The following AKIRIN2 variants were observed in gnomAD, a reference collection of about 807,000 sequenced individuals.
AKIRIN2 encodes akirin-2.
AKIRIN2 carries 6 observed loss-of-function variants against 29.3 expected under a neutral mutation model. That is an observed-to-expected ratio of 0.20 (90% CI 0.11 to 0.40). AKIRIN2 has a LOEUF of 0.40. AKIRIN2 is among the 10% of genes least tolerant of loss of function. The pLI is 1.00. For synonymous variants in AKIRIN2, 128 were observed against 117.5 expected (o/e 1.09, Z -0.58); for missense variants, 210 against 276.1 (o/e 0.76, Z 1.70).
At chr6:87,694,462 C>T (rs1771327937) in intron 1 of AKIRIN2, among the ~76,000 whole-genome samples, 1 of 152,180 alleles carries the variant, frequency 6.6e-6, no homozygotes, top group South Asian at 2.1e-4. Flanking sequence ...GAGACTCTTA[C>T]TCTTCTTTGC....
chr6:87,680,437 T>C (rs2128301140), intron 2 of AKIRIN2, among the ~76,000 whole-genome samples: 2 of 152,234 alleles, frequency 1.3e-5, no homozygotes, highest in East Asian at 1.9e-4. Context: ...CATGCCTAGC[T>C]AATTTTTTGG....
At position 87,691,527 on chromosome 6, in the gene AKIRIN2, TAA is replaced by T. The variant is rs200879764; in HGVS notation, c.236-9766_236-9765del. Among the ~76,000 whole-genome samples, 480 of 148,974 alleles carry T rather than the reference TAA, an allele frequency of 3.2e-3. 2 individuals are homozygous for T. The highest frequency in any genetic ancestry group is 0.01 in the African/African-American group (416 of 40,350). ...GTCTGAACCAACTGAAGATACAAAT[TAA>T]AGAGACATCTGTAAATGGAAACTGA... On this transcript the variant is annotated intron_variant, in intron 1 of 4. Transcript: ENST00000257787.
At chr6:87,698,846 A>T (rs1239497366) in intron 1 of AKIRIN2, among the ~76,000 whole-genome samples, 1 of 152,232 alleles carries the variant, frequency 6.6e-6, no homozygotes, top group Non-Finnish European at 1.5e-5. Context: ...CTAAGGTTTA[A>T]AACAGACATC....
At chr6:87,696,382 G>C (rs562083906) in intron 1 of AKIRIN2, among the ~76,000 whole-genome samples, 3 of 152,014 alleles carry the variant, frequency 2.0e-5, no homozygotes, top group African/African-American at 7.2e-5. Context: ...CTGTGCTCAA[G>C]TTAGGCTTTA....
rs1477649636 is a variant in AKIRIN2 at position 87,677,976 on chromosome 6, A to C, written c.380-9T>G. 1 of 1,605,526 alleles carries C rather than the reference A, an allele frequency of 6.2e-7. No homozygotes were observed. On this transcript the variant is annotated splice_polypyrimidine_tract_variant and intron_variant, in intron 2 of 4. Transcript: ENST00000257787. ...TGCTGCAGATGAAGTCCCTATGTAC[A>C]ATGAGGACAAAAAATAGCACCTGGT...
intron 2 of AKIRIN2, among the ~76,000 whole-genome samples, chr6:87,679,017 C>T (rs1268957210): frequency 2.0e-5 from 3 of 151,816 alleles, no homozygotes; most frequent in East Asian, 3.9e-4. Flanking sequence ...TGCCTGTAAT[C>T]CCAGCTACTT....
chr6:87,694,879 C>T (rs192813665), intron 1 of AKIRIN2, among the ~76,000 whole-genome samples: 1 of 152,162 alleles, frequency 6.6e-6, no homozygotes, highest in Non-Finnish European at 1.5e-5. Context: ...ATCTATTATA[C>T]TGTAAAATTC....
chr6:87,697,968 C>T (rs1433630073), intron 1 of AKIRIN2, among the ~76,000 whole-genome samples: 2 of 152,026 alleles, frequency 1.3e-5, no homozygotes, highest in Non-Finnish European at 1.5e-5. Context: ...ATTTGATTGA[C>T]GGTCTCTTAT....
At position 87,701,875 on chromosome 6, in the gene AKIRIN2, G is replaced by A. The variant is rs1342901053; in HGVS notation, c.-191C>T. The A allele has an allele frequency of 4.4e-6, 2 of 449,854 alleles. No individual in the cohort carries two copies. Among genetic ancestry groups the A allele is most frequent in the African/African-American group, 2.0e-5 (1 of 48,852 alleles). 27.9% of individuals were successfully genotyped at this position (449,854 alleles called of 1,614,324 possible). ...CGCCGCTGCCTCCGCGGCAGGGGCA[G>A]TGGCCAGGGACGGCCCGGGTGAGAG... On this transcript the variant is annotated 5_prime_UTR_variant, in exon 1 of 5. Transcript: ENST00000257787.
intron 2 of AKIRIN2, among the ~76,000 whole-genome samples, chr6:87,680,628 G>A (rs1409334368): frequency 1.3e-5 from 2 of 151,830 alleles, no homozygotes; most frequent in South Asian, 2.1e-4. Flanking sequence ...GAGAGAAAGC[G>A]TTGAACAAAG....
At chr6:87,688,951 A>G (rs1198354797) in intron 1 of AKIRIN2, among the ~76,000 whole-genome samples, 4 of 152,212 alleles carry the variant, frequency 2.6e-5, no homozygotes, top group African/African-American at 9.6e-5. Flanking sequence ...ATTTACTTCA[A>G]ATAAGTAGCA....
At chr6:87,691,036 C>T (rs1771269664) in intron 1 of AKIRIN2, among the ~76,000 whole-genome samples, 1 of 152,156 alleles carries the variant, frequency 6.6e-6, no homozygotes, top group South Asian at 2.1e-4. Flanking sequence ...ACATACATCT[C>T]TTATTTATCC....
At chr6:87,678,643 AC>A (rs1771066138) in intron 2 of AKIRIN2, among the ~76,000 whole-genome samples, 1 of 152,208 alleles carries the variant, frequency 6.6e-6, no homozygotes, top group Non-Finnish European at 1.5e-5. Context: ...TGACTAAATT[AC>A]TTTCCTACAC....
intron 1 of AKIRIN2, among the ~76,000 whole-genome samples, chr6:87,693,845 G>C (rs559925980): frequency 5.9e-5 from 9 of 151,988 alleles, no homozygotes; most frequent in African/African-American, 2.2e-4. Flanking sequence ...GGCTATGAAA[G>C]ATTGTCACAG....
intron 3 of AKIRIN2, among the ~76,000 whole-genome samples, chr6:87,676,275 T>G (rs1329517080): frequency 6.7e-6 from 1 of 149,870 alleles, no homozygotes; most frequent in Non-Finnish European, 1.5e-5. Context: ...CCATCCTGGC[T>G]AACACGGTGA....
intron 1 of AKIRIN2, among the ~76,000 whole-genome samples, chr6:87,693,038 G>C (rs1455644580): frequency 6.6e-6 from 1 of 151,574 alleles, no homozygotes; most frequent in East Asian, 2.0e-4. Context: ...GACCATCCTG[G>C]CTAACATGGT....
chr6:87,676,458 A>AC (rs1770990914), intron 3 of AKIRIN2, among the ~76,000 whole-genome samples: 1 of 131,800 alleles, frequency 7.6e-6, no homozygotes, highest in South Asian at 2.4e-4. Context: ...AAAAAAAAAA[A>AC]AAAAAAAAAA....
In AKIRIN2 at chr6:87,679,299, G is replaced by A. The variant is rs142398644; in HGVS notation, c.380-1332C>T. The stretch of plus-strand genomic sequence containing the variant: ...TAATCCCAGTACTTTCTGGGAGGCC[G>A]AAGCAGGTGGAACCCTTGAGCTAAA... On this transcript the variant is annotated intron_variant, in intron 2 of 4. Coordinates refer to ENST00000257787, the MANE Select transcript of AKIRIN2 (RefSeq NM_018064.4). 5.9e-5 allele frequency among the ~76,000 whole-genome samples: 9 copies of A among 152,214 alleles called. No homozygotes were observed. In the East Asian group the frequency reaches 1.4e-3, roughly 23 times the overall value.
chr6:87,677,267 A>C (rs1171950415), intron 3 of AKIRIN2, among the ~76,000 whole-genome samples: 1 of 152,174 alleles, frequency 6.6e-6, no homozygotes, highest in Non-Finnish European at 1.5e-5. Context: ...TATCTAAGCA[A>C]ATTATCTTCT....
Sources: allele counts gnomAD v4.1 joint callset (sites outside exome capture counted in the v4.1 genomes callset), GRCh38; gene constraint gnomAD v4.1.1; transcripts MANE v1.5; gene names NCBI Gene and HGNC (gene_info 2026-07-23, HGNC 2026-07-21).